FCF1: variants seen among roughly 807,000 people sequenced by gnomAD.
FCF1 encodes the protein rRNA-processing protein FCF1 homolog.
A neutral mutation model predicts 32.5 loss-of-function variants in FCF1; 17 were observed. That is an observed-to-expected ratio of 0.52 (90% CI 0.36 to 0.78). FCF1 has a LOEUF of 0.78. Ranked by LOEUF, FCF1 falls within the 30% of genes least tolerant of loss-of-function variation. FCF1 has a pLI of 0.00. For synonymous variants in FCF1, 84 were observed against 78.4 expected (o/e 1.07, Z -0.38); for missense variants, 201 against 241.1 (o/e 0.83, Z 1.10).
At chr14:74,720,529 T>C (rs1176955026) in intron 4 of FCF1, among the ~76,000 whole-genome samples, 1 of 152,258 alleles carries the variant, frequency 6.6e-6, no homozygotes, top group African/African-American at 2.4e-5. Context: ...ACTTCATTTC[T>C]TTTTATTACT....
chr14:74,714,464 C>T (rs1035577352), intron 2 of FCF1, among the ~76,000 whole-genome samples: 1 of 152,098 alleles, frequency 6.6e-6, no homozygotes, highest in African/African-American at 2.4e-5. Context: ...TACATTTTAG[C>T]CCTTTATAAG....
intron 4 of FCF1, 87 bp from the exon 5 acceptor site, chr14:74,723,185 G>C: frequency 1.1e-6 from 1 of 931,914 alleles, no homozygotes; most frequent in Non-Finnish European, 1.8e-6. Flanking sequence ...AGTGTCCTGG[G>C]TCTTTTTAAA....
chr14:74,717,711 A>G (rs969235440), intron 4 of FCF1, among the ~76,000 whole-genome samples: 1 of 152,188 alleles, frequency 6.6e-6, no homozygotes, highest in Non-Finnish European at 1.5e-5. Flanking sequence ...TTCTCCAGGA[A>G]TGCTGTGACC....
At position 74,735,446 on chromosome 14, in the gene FCF1, A is replaced by G. The variant is rs1322102763; in HGVS notation, c.*516A>G. 6.6e-6 allele frequency: 1 copy of G among 152,608 alleles called. No individual in the cohort carries two copies. The highest frequency in any genetic ancestry group is 2.4e-5 in the African/African-American group (1 of 41,446). 9.5% of individuals were successfully genotyped at this position (152,608 alleles called of 1,614,324 possible). ...GGGGAATTGGATTTTCTTACATGCAACTGAATTTCTGCTTACACATTTTTA... is the reference window on the plus strand; with the variant it reads ...GGGGAATTGGATTTTCTTACATGCAGCTGAATTTCTGCTTACACATTTTTA... On this transcript the variant is annotated 3_prime_UTR_variant, in exon 8 of 8. Transcript: ENST00000341162.
At chr14:74,719,734 C>T (rs2140023850) in intron 4 of FCF1, among the ~76,000 whole-genome samples, 1 of 152,282 alleles carries the variant, frequency 6.6e-6, no homozygotes, top group African/African-American at 2.4e-5. Context: ...CACTGCCCTC[C>T]AGCCTGGGTG....
intron 6 of FCF1, 46 bp downstream of exon 6, chr14:74,732,864 AT>A (rs1386435239): frequency 9.3e-7 from 1 of 1,077,318 alleles, no homozygotes; most frequent in South Asian, 1.4e-5. Flanking sequence ...AAAAAAAAAA[AT>A]GTAAACTATT....
rs1191455431 is a variant in FCF1, at chr14:74,729,882, G to T, written c.366-2849G>T. Among the ~76,000 whole-genome samples, 9 of 152,130 alleles carry T rather than the reference G, an allele frequency of 5.9e-5. No homozygotes were observed. In the East Asian group the frequency reaches 1.7e-3, roughly 29 times the overall value. ...TGTACCCAGTAGTCATTCAGGAGCA[G>T]GTTGTTCAGTTTCCATGTAGTTGTG... is the stretch of plus-strand genomic sequence containing the variant. On this transcript the variant is annotated intron_variant, in intron 5 of 7. Coordinates refer to ENST00000341162, the MANE Select transcript of FCF1 (RefSeq NM_015962.5).
chr14:74,732,671 A>G, intron 5 of FCF1, 60 bp from the exon 6 acceptor site: 1 of 1,113,950 alleles, frequency 9.0e-7, no homozygotes. Flanking sequence ...CTTTTATTGC[A>G]TTAATTAAGA....
intron 4 of FCF1, among the ~76,000 whole-genome samples, chr14:74,719,914 G>A (rs773241522): frequency 3.3e-5 from 5 of 151,946 alleles, no homozygotes; most frequent in Admixed American, 1.3e-4. Context: ...CGAAGCACGC[G>A]GACTACCTGA....
chr14:74,728,649 G>T (rs1435280747), intron 5 of FCF1, among the ~76,000 whole-genome samples: 1 of 151,946 alleles, frequency 6.6e-6, no homozygotes, highest in Non-Finnish European at 1.5e-5. Context: ...TTGAATAGGA[G>T]TGGTGAGAGA....
At chr14:74,713,954 C>G (rs1455120082) in intron 2 of FCF1, among the ~76,000 whole-genome samples, 1 of 152,140 alleles carries the variant, frequency 6.6e-6, no homozygotes, top group Non-Finnish European at 1.5e-5. Flanking sequence ...TTTCCAGTGC[C>G]TGGTACTCAA....
At chr14:74,732,891 A>G (rs2090657276) in intron 6 of FCF1, 73 bp downstream of exon 6, 1 of 899,240 alleles carries the variant, frequency 1.1e-6, no homozygotes, top group South Asian at 1.5e-5. Context: ...CTGAATGTTC[A>G]TGGTCAGTAA....
chr14:74,719,851 G>T (rs1406181741), intron 4 of FCF1, among the ~76,000 whole-genome samples: 1 of 151,882 alleles, frequency 6.6e-6, no homozygotes, highest in Non-Finnish European at 1.5e-5. Flanking sequence ...GAGATGGAGG[G>T]TTACTTTTAT....
Position 74,716,090 on chromosome 14 carries a change from T to C in FCF1, c.283T>C (p.Tyr95His). ...DLVQSMMDCL[Y>H]AKCIPCITDC... ...AGTGCAGTCAATGATGGACTGTCTG[T>C]ATGCCAAGTGTGAGTATCATACTTT... Residue 95 changes from tyrosine (Y) to histidine (H), a missense_variant, in exon 4 of 8, where the codon TAT (tyrosine) becomes CAT (histidine). Physicochemically the swap from Tyr to His is moderately conservative, Grantham distance 83. Transcript: ENST00000341162. The C allele has an allele frequency of 6.2e-7, 1 of 1,613,846 alleles. No individual in the cohort carries two copies. The highest frequency in any genetic ancestry group is 8.5e-7 in the Non-Finnish European group (1 of 1,179,740).
intron 5 of FCF1, among the ~76,000 whole-genome samples, chr14:74,728,551 G>A (rs1468146600): frequency 6.6e-6 from 1 of 151,820 alleles, no homozygotes. Context: ...GTCTGCAAAC[G>A]GACAATTTGA....
chr14:74,734,834 G>T (rs780661406), intron 7 of FCF1, 48 bp from the exon 8 acceptor site: 1 of 1,538,680 alleles, frequency 6.5e-7, no homozygotes, highest in Non-Finnish European at 9.0e-7. Context: ...TTTTAGATGG[G>T]TTCTCTTCCC....
At chr14:74,733,460 C>T (rs1166725933) in intron 6 of FCF1, among the ~76,000 whole-genome samples, 1 of 152,228 alleles carries the variant, frequency 6.6e-6, no homozygotes, top group Non-Finnish European at 1.5e-5. Context: ...ACAGCTGACA[C>T]CACTCTGCCA....
rs973986501 is a variant in FCF1 at position 74,736,875 on chromosome 14, T to C, written c.*1945T>C. 1 of 152,052 alleles carries C rather than the reference T, an allele frequency of 6.6e-6. No individual in the cohort carries two copies. The highest frequency in any genetic ancestry group is 2.4e-5 in the African/African-American group (1 of 41,376). 9.4% of individuals were successfully genotyped at this position (152,052 alleles called of 1,614,324 possible). On this transcript the variant is annotated 3_prime_UTR_variant, in exon 8 of 8. Transcript: ENST00000341162. ...AAAGAAAAACATGTAAATGAATAAA[T>C]GCCGTAAAATAGCAGTGCTAGGGTA...
chr14:74,730,439 C>T (rs1190487567), intron 5 of FCF1, among the ~76,000 whole-genome samples: 1 of 151,970 alleles, frequency 6.6e-6, no homozygotes, highest in Non-Finnish European at 1.5e-5. Context: ...AGAGACTGGG[C>T]ATGGTGGTTC....
Sources: allele counts gnomAD v4.1 joint callset (sites outside exome capture counted in the v4.1 genomes callset), GRCh38; gene constraint gnomAD v4.1.1; transcripts MANE v1.5; gene names NCBI Gene and HGNC (gene_info 2026-07-23, HGNC 2026-07-21).